Variants in NFKB1 observed in about 807,000 individuals in gnomAD.
NFKB1 encodes nuclear factor NF-kappa-B p105 subunit.
In NFKB1, 9 loss-of-function variants were observed where a neutral mutation model predicts 105.1. The observed-to-expected ratio is 0.09, with a 90% confidence interval of 0.05 to 0.15. NFKB1 has a LOEUF of 0.15. Among genes scored for constraint, NFKB1 ranks in the 10% least tolerant of loss-of-function variants. The pLI is 1.00. For missense variants in NFKB1, 830 were observed against 1,203.7 expected, an observed-to-expected ratio of 0.69 and a Z score of 4.59; for synonymous variants, 440 against 442.2, an observed-to-expected ratio of 1.00 and a Z score of 0.06.
chr4:102,587,999 C>G (rs1236670114), intron 11 of NFKB1, among the ~76,000 whole-genome samples: 1 of 152,124 alleles, frequency 6.6e-6, no homozygotes, highest in Non-Finnish European at 1.5e-5. Context: ...TAGTCATTCC[C>G]TATCTCATTG....
chr4:102,592,480 C>T (rs923563603), intron 11 of NFKB1, among the ~76,000 whole-genome samples: 3 of 152,202 alleles, frequency 2.0e-5, no homozygotes, highest in Non-Finnish European at 4.4e-5. Context: ...GCAAGACCTT[C>T]CACCAGTACA....
chr4:102,548,005 A>G (rs1407955407), intron 5 of NFKB1, among the ~76,000 whole-genome samples: 1 of 152,128 alleles, frequency 6.6e-6, no homozygotes, highest in Non-Finnish European at 1.5e-5. Context: ...AATTTAGGAT[A>G]CTTATGATAG....
chr4:102,502,390 G>GCGCGCACACGCA (rs1311577382), intron 1 of NFKB1, among the ~76,000 whole-genome samples: 57 of 105,396 alleles, frequency 5.4e-4, no homozygotes, highest in South Asian at 1.1e-3. Context: ...GCGCGCGCGC[G>GCGCGCACACGCA]CACACACACA....
chr4:102,584,620 A>T, intron 10 of NFKB1, 62 bp from the exon 11 acceptor site: 1 of 1,453,604 alleles, frequency 6.9e-7, no homozygotes. Flanking sequence ...AATGAGTAGC[A>T]TTACTGCAAA....
chr4:102,511,025 G>A (rs1027338707), intron 1 of NFKB1: 111 of 1,029,364 alleles, frequency 1.1e-4, no homozygotes, highest in Admixed American at 2.9e-4. Flanking sequence ...GGGTGGAGTA[G>A]GGGAAGCATT....
chr4:102,535,094 C>T (rs912718409), intron 4 of NFKB1, among the ~76,000 whole-genome samples: 2 of 152,120 alleles, frequency 1.3e-5, no homozygotes, highest in African/African-American at 4.8e-5. Flanking sequence ...CTCCATTGCT[C>T]TACCTCCATG....
intron 15 of NFKB1, 142 bp from the exon 16 acceptor site, chr4:102,600,753 A>G (rs535070901): frequency 4.6e-6 from 3 of 648,272 alleles, no homozygotes; most frequent in Non-Finnish European, 8.3e-6. Context: ...GATTCAATGC[A>G]TTTTATAGAT....
At chr4:102,565,802 G>T (rs1475218181) in intron 5 of NFKB1, among the ~76,000 whole-genome samples, 1 of 151,630 alleles carries the variant, frequency 6.6e-6, no homozygotes. Context: ...TATGCATTTT[G>T]AATTACTGCG....
intron 5 of NFKB1, among the ~76,000 whole-genome samples, chr4:102,555,911 A>G (rs1265905170): frequency 6.6e-6 from 1 of 152,206 alleles, no homozygotes; most frequent in Non-Finnish European, 1.5e-5. Context: ...GCAATCTGCT[A>G]ACTGATATTG....
intron 11 of NFKB1, among the ~76,000 whole-genome samples, chr4:102,587,506 A>G (rs1725809215): frequency 6.6e-6 from 1 of 151,904 alleles, no homozygotes; most frequent in South Asian, 2.1e-4. Flanking sequence ...TATGCCTCAG[A>G]AAAGTATGTT....
chr4:102,595,771 A>G (rs1726560485), intron 13 of NFKB1, among the ~76,000 whole-genome samples: 1 of 152,232 alleles, frequency 6.6e-6, no homozygotes, highest in Admixed American at 6.5e-5. Flanking sequence ...AGTCGACAAC[A>G]CGTCTTTATG....
At chr4:102,587,564 G>A (rs1560698649) in intron 11 of NFKB1, among the ~76,000 whole-genome samples, 2 of 152,050 alleles carry the variant, frequency 1.3e-5, no homozygotes, top group Non-Finnish European at 2.9e-5. Flanking sequence ...CGTTATCATA[G>A]TAGGAACTAT....
intron 21 of NFKB1, 27 bp from the exon 22 acceptor site, chr4:102,612,407 A>C: frequency 6.2e-7 from 1 of 1,607,206 alleles, no homozygotes; most frequent in Non-Finnish European, 8.5e-7. Context: ...TGTTAGAACA[A>C]GTGTGTTCCT....
intron 11 of NFKB1, among the ~76,000 whole-genome samples, chr4:102,585,046 TA>T (rs1327950009): frequency 6.6e-6 from 1 of 151,190 alleles, no homozygotes; most frequent in Non-Finnish European, 1.5e-5. Flanking sequence ...CATGCCGGGC[TA>T]ATTTTTTTTT....
At chr4:102,507,110 A>G (rs950652164) in intron 1 of NFKB1, among the ~76,000 whole-genome samples, 3 of 151,352 alleles carry the variant, frequency 2.0e-5, no homozygotes, top group African/African-American at 7.3e-5. Context: ...TGAGAAAGAA[A>G]TTAAATGTTA....
intron 1 of NFKB1, among the ~76,000 whole-genome samples, chr4:102,502,405 C>T (rs2149090069): frequency 6.6e-6 from 1 of 150,446 alleles, no homozygotes; most frequent in East Asian, 2.0e-4. Context: ...CACACACACA[C>T]ACACACACAC....
At chr4:102,566,555 C>T (rs1367043876) in intron 5 of NFKB1, among the ~76,000 whole-genome samples, 1 of 152,182 alleles carries the variant, frequency 6.6e-6, no homozygotes, top group Non-Finnish European at 1.5e-5. Context: ...TGCTTACCTG[C>T]CTTCTTCCTT....
intron 19 of NFKB1, 112 bp from the exon 20 acceptor site, chr4:102,610,463 G>T: frequency 2.0e-6 from 2 of 1,008,644 alleles, no homozygotes; most frequent in Non-Finnish European, 2.9e-6. Context: ...AATTATCCAG[G>T]AGATTGCCTC....
At chr4:102,552,579 A>T (rs1722697431) in intron 5 of NFKB1, among the ~76,000 whole-genome samples, 1 of 152,180 alleles carries the variant, frequency 6.6e-6, no homozygotes, top group Non-Finnish European at 1.5e-5. Context: ...ACTTAACTTG[A>T]TAAATCTGTA....
Sources: gnomAD v4.1 joint callset for allele counts (sites outside exome capture counted in the v4.1 genomes callset) on GRCh38, gnomAD v4.1.1 for gene constraint, MANE v1.5 for transcripts, NCBI Gene and HGNC (gene_info 2026-07-23, HGNC 2026-07-21) for gene names.